Variants in OPCML observed in about 807,000 individuals in gnomAD.
OPCML encodes the protein opioid binding protein/cell adhesion molecule like.
Under a neutral mutation model 37.8 loss-of-function variants are expected in OPCML, and 13 were observed. The observed-to-expected ratio is 0.34, with a 90% CI of 0.22 to 0.55. The LOEUF (loss-of-function observed/expected upper bound fraction) is 0.55, where lower values mean the gene tolerates loss of function less well. OPCML is among the 20% of genes least tolerant of loss of function. OPCML has a pLI of 0.91. For synonymous variants in OPCML, 176 were observed against 168.8 expected (o/e 1.04, Z -0.33); for missense variants, 341 against 435.6 (o/e 0.78, Z 1.93).
intron 2 of OPCML, among the ~76,000 whole-genome samples, chr11:132,729,896 A>T (rs1379447857): frequency 6.6e-6 from 1 of 152,110 alleles, no homozygotes; most frequent in Non-Finnish European, 1.5e-5. Context: ...TATGGCACCA[A>T]AGGGATGCTT....
intron 2 of OPCML, among the ~76,000 whole-genome samples, chr11:132,886,067 G>A (rs530621364): frequency 6.6e-6 from 1 of 152,008 alleles, no homozygotes. Flanking sequence ...AATAAGTATA[G>A]GGCTATCACA....
intron 1 of OPCML, among the ~76,000 whole-genome samples, chr11:133,342,001 C>G (rs1004675951): frequency 6.6e-6 from 1 of 152,128 alleles, no homozygotes; most frequent in African/African-American, 2.4e-5. Context: ...GAACAGCACT[C>G]TTTCTTGAGT....
intron 1 of OPCML, among the ~76,000 whole-genome samples, chr11:133,474,275 A>G (rs1242719586): frequency 6.6e-6 from 1 of 152,242 alleles, no homozygotes; most frequent in African/African-American, 2.4e-5. Flanking sequence ...AAAGGACCAG[A>G]GCCCAGATAG....
chr11:132,818,225 A>G (rs1489964551), intron 2 of OPCML, among the ~76,000 whole-genome samples: 11 of 152,158 alleles, frequency 7.2e-5, no homozygotes, highest in East Asian at 1.9e-4. Flanking sequence ...TCAATTTTCT[A>G]TTGAAATTTT....
chr11:133,497,837 A>G (rs1481133551), intron 1 of OPCML, among the ~76,000 whole-genome samples: 2 of 152,218 alleles, frequency 1.3e-5, no homozygotes, highest in South Asian at 2.1e-4. Flanking sequence ...GCTCAAATCC[A>G]TTAATCCTCT....
chr11:133,116,599 T>G (rs530312850), intron 1 of OPCML, among the ~76,000 whole-genome samples: 1 of 152,278 alleles, frequency 6.6e-6, no homozygotes, highest in South Asian at 2.1e-4. Context: ...TATGCGTTTT[T>G]GGCAGGAATA....
intron 2 of OPCML, among the ~76,000 whole-genome samples, chr11:132,809,987 C>A (rs1447751215): frequency 1.3e-5 from 2 of 152,096 alleles, no homozygotes; most frequent in Non-Finnish European, 2.9e-5. Flanking sequence ...GTAGCCGGGA[C>A]TACAGGCGCC....
intron 1 of OPCML, among the ~76,000 whole-genome samples, chr11:133,305,981 G>A (rs1162869565): frequency 6.6e-6 from 1 of 152,210 alleles, no homozygotes; most frequent in African/African-American, 2.4e-5. Flanking sequence ...TATTTCAACT[G>A]AAAGAACGTC....
chr11:132,604,495 C>T (rs1414978484), intron 3 of OPCML, among the ~76,000 whole-genome samples: 2 of 152,118 alleles, frequency 1.3e-5, no homozygotes, highest in East Asian at 3.9e-4. Context: ...TTTCCAAAAT[C>T]ATCAGCTCCC....
intron 2 of OPCML, among the ~76,000 whole-genome samples, chr11:132,858,332 G>T: frequency 6.6e-6 from 1 of 152,154 alleles, no homozygotes; most frequent in East Asian, 1.9e-4. Flanking sequence ...GCCTGCCAGG[G>T]TGCCTCCTTC....
intron 2 of OPCML, among the ~76,000 whole-genome samples, chr11:132,722,420 G>C (rs1242127318): frequency 6.6e-6 from 1 of 151,958 alleles, no homozygotes; most frequent in Non-Finnish European, 1.5e-5. Flanking sequence ...AAAAACAAAA[G>C]GAAATGAAAA....
At chr11:132,523,950 G>T (rs887950855) in intron 4 of OPCML, among the ~76,000 whole-genome samples, 1 of 152,224 alleles carries the variant, frequency 6.6e-6, no homozygotes, top group African/African-American at 2.4e-5. Context: ...CATAGGTGAA[G>T]AGTTGTCATC....
intron 2 of OPCML, among the ~76,000 whole-genome samples, chr11:132,692,917 T>C (rs1350835650): frequency 3.3e-5 from 5 of 152,212 alleles, no homozygotes; most frequent in Non-Finnish European, 7.4e-5. Flanking sequence ...ACAATTTTCC[T>C]AAAGCAGACA....
intron 3 of OPCML, among the ~76,000 whole-genome samples, chr11:132,587,623 C>A (rs2096475860): frequency 6.6e-6 from 1 of 152,178 alleles, no homozygotes; most frequent in Admixed American, 6.5e-5. Flanking sequence ...GACAGGGCAT[C>A]CTTCACAATA....
rs966091785 is a variant in OPCML, at chr11:133,373,448, T to TATATATACAC, written c.61+158815_61+158816insGTGTATATAT. Among the ~76,000 whole-genome samples the TATATATACAC allele has an allele frequency of 3.8e-5, 5 of 132,178 alleles. 1 individual carries two copies. Among genetic ancestry groups the TATATATACAC allele is most frequent in the Admixed American group, 7.8e-5 (1 of 12,766 alleles). The allele number at this position is 132,178 out of a possible 152,430, so 86.7% of individuals were successfully genotyped here. On this transcript the variant is annotated intron_variant, in intron 1 of 7. Transcript: ENST00000524381. Reference sequence around the variant, plus strand: ...AAATATATATATATATATATATATATACACACACACACACAAAAATACAAA... The same window carrying TATATATACAC: ...AAATATATATATATATATATATATATATATATACACACACACACACACACAAAAATACAAA...
intron 1 of OPCML, among the ~76,000 whole-genome samples, chr11:133,209,921 C>G (rs994804280): frequency 7.9e-5 from 12 of 152,084 alleles, no homozygotes; most frequent in South Asian, 4.2e-4. Context: ...TCTCAGAAAC[C>G]TGCTAGATAT....
At chr11:132,583,614 T>C (rs77954469) in intron 3 of OPCML, among the ~76,000 whole-genome samples, 1 of 152,086 alleles carries the variant, frequency 6.6e-6, no homozygotes, top group Admixed American at 6.6e-5. Context: ...GCTGATTTTT[T>C]ATTTATTTAT....
At chr11:133,347,677 T>C (rs1370566874) in intron 1 of OPCML, among the ~76,000 whole-genome samples, 1 of 152,214 alleles carries the variant, frequency 6.6e-6, no homozygotes, top group Non-Finnish European at 1.5e-5. Context: ...CAGCATGCTA[T>C]TAATTTAATT....
At chr11:133,204,609 T>C (rs1047882375) in intron 1 of OPCML, among the ~76,000 whole-genome samples, 1 of 152,046 alleles carries the variant, frequency 6.6e-6, no homozygotes, top group South Asian at 2.1e-4. Context: ...GTATTTCGTG[T>C]TGATATTCCT....
Sources: allele counts gnomAD v4.1 joint callset (sites outside exome capture counted in the v4.1 genomes callset), GRCh38; gene constraint gnomAD v4.1.1; transcripts MANE v1.5; gene names NCBI Gene and HGNC (gene_info 2026-07-23, HGNC 2026-07-21).